The following SLU7 variants were observed in gnomAD, a reference collection of about 807,000 sequenced individuals.
SLU7 encodes pre-mRNA-splicing factor SLU7.
SLU7 carries 60 observed loss-of-function variants against 87.0 expected under a neutral mutation model. That is an observed-to-expected ratio of 0.69 (90% CI 0.56 to 0.86). The LOEUF (loss-of-function observed/expected upper bound fraction) is 0.86, where lower values mean the gene tolerates loss of function less well. Ranked by LOEUF, SLU7 falls within the 40% of genes least tolerant of loss-of-function variation. The pLI, the probability that SLU7 is intolerant of heterozygous loss-of-function variation, is 0.00. For synonymous variants in SLU7, 197 were observed against 222.0 expected (o/e 0.89, Z 1.00); for missense variants, 507 against 686.6 (o/e 0.74, Z 2.92).
At position 160,410,090 on chromosome 5, in the gene SLU7, G is replaced by A. The variant is rs1436582665; in HGVS notation, c.640-1393C>T. On this transcript the variant is annotated intron_variant, in intron 6 of 15. Coordinates refer to ENST00000297151, the MANE Select transcript of SLU7 (RefSeq NM_006425.5). Reference sequence around the variant, plus strand: ...TCTATGTTGTTAAATTAAAAAAGAAGGTAATAAATGAATATATAAAGATGG... The same window carrying A: ...TCTATGTTGTTAAATTAAAAAAGAAAGTAATAAATGAATATATAAAGATGG... Among the ~76,000 whole-genome samples the A allele has an allele frequency of 2.6e-5, 4 of 151,960 alleles. No individual in the cohort carries two copies. In the East Asian group the frequency reaches 5.8e-4, roughly 22 times the overall value.
chr5:160,408,217 T>C (rs746308668), intron 8 of SLU7, 112 bp downstream of exon 8: 8 of 1,291,154 alleles, frequency 6.2e-6, no homozygotes, highest in Non-Finnish European at 7.6e-6. Flanking sequence ...GAATGAAACC[T>C]TATCTTAGAA....
At chr5:160,404,972 A>G (rs1402922018) in intron 13 of SLU7, 59 bp downstream of exon 13, 5 of 1,520,770 alleles carry the variant, frequency 3.3e-6, no homozygotes, top group Non-Finnish European at 4.6e-6. Context: ...AGCATGTTTT[A>G]GTTTGACTTA....
chr5:160,412,531 A>AAAAAAAT lies in SLU7; in HGVS notation c.571-13_571-12insATTTTTT. On this transcript the variant is annotated splice_polypyrimidine_tract_variant and intron_variant, in intron 5 of 15. Coordinates refer to ENST00000297151, the MANE Select transcript of SLU7 (RefSeq NM_006425.5). ...AATGTTCGTTTTGCCTTTAAAAAAA[A>AAAAAAAT]AAAAAAGAAAGAAAGAAAGAAAAAG... 1 of 1,371,330 alleles carries AAAAAAAT rather than the reference A, an allele frequency of 7.3e-7. No individual in the cohort carries two copies. Among genetic ancestry groups the AAAAAAAT allele is most frequent in the Middle Eastern group, 2.4e-4 (1 of 4,152 alleles). 84.9% of individuals were successfully genotyped at this position (1,371,330 alleles called of 1,614,324 possible).
chr5:160,410,565 T>TA (rs879845853), intron 6 of SLU7, among the ~76,000 whole-genome samples: 63 of 148,700 alleles, frequency 4.2e-4, no homozygotes, highest in South Asian at 3.0e-3. Flanking sequence ...ACTTAAAGTA[T>TA]ATAAAAAAAA....
chr5:160,403,233 CT>C lies in SLU7; in HGVS notation c.*51del. ...TCTATCTACAATCATCAATAAGAAG[CT>C]GAAAAGAATGTATCAGCTGCATCTA... On this transcript the variant is annotated 3_prime_UTR_variant, in exon 16 of 16. Transcript: ENST00000297151. The C allele has an allele frequency of 7.5e-7, 1 of 1,333,102 alleles. No homozygotes were observed. Among genetic ancestry groups the C allele is most frequent in the Non-Finnish European group, 1.0e-6 (1 of 983,150 alleles). 82.6% of individuals were successfully genotyped at this position (1,333,102 alleles called of 1,614,324 possible). A position where few individuals can be genotyped will look rare whatever the true frequency, so the allele number is the denominator to read the frequency against.
intron 1 of SLU7, among the ~76,000 whole-genome samples, chr5:160,416,052 C>T (rs1035529262): frequency 1.3e-5 from 2 of 152,126 alleles, no homozygotes; most frequent in African/African-American, 2.4e-5. Context: ...CCACCATGCC[C>T]GGCTAATTTT....
intron 6 of SLU7, among the ~76,000 whole-genome samples, chr5:160,409,761 G>A (rs1484786005): frequency 2.6e-5 from 4 of 152,032 alleles, no homozygotes. Context: ...CTATCCAAGG[G>A]GCAGAAAAGT....
intron 12 of SLU7, among the ~76,000 whole-genome samples, chr5:160,406,117 T>C (rs1764999449): frequency 6.6e-6 from 1 of 152,222 alleles, no homozygotes; most frequent in South Asian, 2.1e-4. Flanking sequence ...TGTCATGATA[T>C]ACATAATTTC....
At position 160,411,334 on chromosome 5, in the gene SLU7, C is replaced by T. The variant is rs188170830; in HGVS notation, c.639+1117G>A. Reference sequence around the variant, plus strand: ...GCAACCTCTGCCTCCTGGGTTCAAGCGATTCTCCCGAGTAGCTGGGACTAC... The same window carrying T: ...GCAACCTCTGCCTCCTGGGTTCAAGTGATTCTCCCGAGTAGCTGGGACTAC... On this transcript the variant is annotated intron_variant, in intron 6 of 15. Transcript: ENST00000297151. 2.6e-3 allele frequency among the ~76,000 whole-genome samples: 398 copies of T among 151,774 alleles called. 1 individual carries two copies. Among genetic ancestry groups the T allele is most frequent in the African/African-American group, 8.4e-3 (349 of 41,378 alleles).
chr5:160,416,635 C>T (rs146740934), intron 1 of SLU7, among the ~76,000 whole-genome samples: 187 of 152,336 alleles, frequency 1.2e-3, no homozygotes, highest in Non-Finnish European at 2.2e-3. Context: ...TATCTCATCA[C>T]TAAGAACAGT....
In SLU7 at chr5:160,407,846, ATTGAT is replaced by A; in HGVS notation, c.918-38_918-34del. ...TACAAATAAAGAAAATGTTTCAGAG[ATTGAT>A]TTAAGGAAAATTAATTCGTAAAACT... On this transcript the variant is annotated intron_variant, in intron 9 of 15. Transcript: ENST00000297151. This position sits in a 1 kb window ranked among gnomAD's most constrained non-coding sequence, Gnocchi z 4.2. 1 of 1,572,612 alleles carries A rather than the reference ATTGAT, an allele frequency of 6.4e-7. No individual in the cohort carries two copies. Among genetic ancestry groups the A allele is most frequent in the South Asian group, 1.1e-5 (1 of 89,370 alleles).
rs895310119 is a variant in SLU7, at chr5:160,403,539, A to C, written c.1582-75T>G. The C allele has an allele frequency of 2.2e-5, 29 of 1,294,100 alleles. No homozygotes were observed. In the Admixed American group the frequency reaches 5.5e-4, roughly 24 times the overall value. 80.2% of individuals were successfully genotyped at this position (1,294,100 alleles called of 1,614,324 possible). On this transcript the variant is annotated intron_variant, in intron 15 of 15. Coordinates refer to ENST00000297151, the MANE Select transcript of SLU7 (RefSeq NM_006425.5). ...TTTCTTCAAAAGTGGCAGAGTACCA[A>C]CACACCCCACTGAATATGAACTGCT... is the stretch of plus-strand genomic sequence containing the variant.
In SLU7 at chr5:160,403,387, A is replaced by G. The variant is rs1764867413; in HGVS notation, c.1659T>C (p.Asn553=). 3.1e-6 allele frequency: 5 copies of G among 1,613,262 alleles called. No homozygotes were observed. Among genetic ancestry groups the G allele is most frequent in the Non-Finnish European group, 4.2e-6 (5 of 1,179,770 alleles). ...MQIDERKRPY[N]SMYETREPTE... ...TAGGTTCTCGAGTTTCATACATGCTATTGTAAGGCCGCTTCCTCTCATCAA... is the reference window on the plus strand; with the variant it reads ...TAGGTTCTCGAGTTTCATACATGCTGTTGTAAGGCCGCTTCCTCTCATCAA... Residue 553 remains asparagine, a synonymous_variant, in exon 16 of 16, where the codon AAT becomes AAC. Coordinates refer to ENST00000297151, the MANE Select transcript of SLU7 (RefSeq NM_006425.5).
rs767175660 is a variant in SLU7, at chr5:160,405,058, A to G, written c.1365T>C (p.Cys455=). Residue 455 remains cysteine (C), a synonymous_variant, in exon 13 of 16, where the codon TGT becomes TGC. Transcript: ENST00000297151. ...CCHSFFKYSY[C]TGEAGKEIVN... is the part of the protein sequence containing the mutation. ...CAATCTCCTTCCCAGCTTCTCCAGT[A>G]CAATAGGAATACTTGAAAAAAGAGT... The G allele has an allele frequency of 6.2e-7, 1 of 1,613,448 alleles. No homozygotes were observed. Among genetic ancestry groups the G allele is most frequent in the Non-Finnish European group, 8.5e-7 (1 of 1,179,504 alleles).
rs561241976 is a variant in SLU7, at chr5:160,404,326, C to T, written c.1581+114G>A. On this transcript the variant is annotated intron_variant, in intron 15 of 15. Transcript: ENST00000297151. ...CTTGCAGTGAGCTGCGGTCGTGCCA[C>T]TGCACTCCAGCCTGGACAACAGAGC... 34 of 674,536 alleles carry T rather than the reference C, an allele frequency of 5.0e-5. No homozygotes were observed. The African/African-American group carries it at 5.8e-4, about 11-fold the overall frequency. 41.8% of individuals were successfully genotyped at this position (674,536 alleles called of 1,614,324 possible).
chr5:160,412,149 T>C lies in SLU7; in HGVS notation c.639+302A>G, dbSNP rs892576717. 2.9e-4 allele frequency among the ~76,000 whole-genome samples: 44 copies of C among 152,204 alleles called. 1 individual carries two copies. The highest frequency in any genetic ancestry group is 9.9e-4 in the African/African-American group (41 of 41,462). ...TACTATTGTGAAAAATGCTGTACTA[T>C]CTTTATGCATCATGATTTTTCTAAA... On this transcript the variant is annotated intron_variant, in intron 6 of 15. Transcript: ENST00000297151.
intron 13 of SLU7, 34 bp from the exon 14 acceptor site, chr5:160,404,914 C>T: frequency 6.5e-7 from 1 of 1,527,898 alleles, no homozygotes; most frequent in East Asian, 2.2e-5. Flanking sequence ...AGTTGAGTGT[C>T]ATAGTTACTA....
At position 160,408,674 on chromosome 5, in the gene SLU7, TCCC is replaced by T; in HGVS notation, c.660_662del (p.Trp220_Gly221delinsTer). 6.4e-7 allele frequency: 1 copy of T among 1,570,576 alleles called. No homozygotes were observed. Among genetic ancestry groups the T allele is most frequent in the Non-Finnish European group, 8.7e-7 (1 of 1,150,060 alleles). ...CCATCTGAGAATTTGGTTCCTCTTC[TCCC>T]CACTGGTGTTTTGGAGAATTCTGCA... On this transcript the variant is annotated stop_gained and inframe_deletion, in exon 7 of 16. Transcript: ENST00000297151. LOFTEE classifies it high-confidence loss of function.
At position 160,408,088 on chromosome 5, in the gene SLU7, A is replaced by G. The variant is rs1373492249; in HGVS notation, c.820-20T>C. 1.3e-6 allele frequency: 2 copies of G among 1,523,112 alleles called. No individual in the cohort carries two copies. Among genetic ancestry groups the G allele is most frequent in the Admixed American group, 1.7e-5 (1 of 59,498 alleles). 94.3% of individuals were successfully genotyped at this position (1,523,112 alleles called of 1,614,324 possible). ...CAAATACTAGAAGAAAAAAATATTTAAAGAATTAATGTTTACTCACAGCAA... is the reference window on the plus strand; with the variant it reads ...CAAATACTAGAAGAAAAAAATATTTGAAGAATTAATGTTTACTCACAGCAA... On this transcript the variant is annotated intron_variant, in intron 8 of 15. Transcript: ENST00000297151.
Sources: allele counts gnomAD v4.1 joint callset (sites outside exome capture counted in the v4.1 genomes callset), GRCh38; gene constraint gnomAD v4.1.1; non-coding constraint Gnocchi (gnomAD v3.1); transcripts MANE v1.5; gene names NCBI Gene and HGNC (gene_info 2026-07-23, HGNC 2026-07-21).